Variants in RNF130 observed in about 807,000 individuals in gnomAD.
The protein encoded by RNF130 is ring finger protein 130.
RNF130 carries 21 observed loss-of-function variants against 44.6 expected under a neutral mutation model. That is an observed-to-expected ratio of 0.47 (90% CI 0.33 to 0.68). RNF130 has a LOEUF of 0.68. Among genes scored for constraint, RNF130 ranks in the 30% least tolerant of loss-of-function variants. The pLI is 0.02. For missense variants in RNF130, 479 were observed against 560.6 expected (o/e 0.85, Z 1.47); for synonymous variants, 214 against 210.4 (o/e 1.02, Z -0.15).
chr5:180,029,197 GAGAATGTC>G (rs1764066470), intron 2 of RNF130, among the ~76,000 whole-genome samples: 1 of 152,148 alleles, frequency 6.6e-6, no homozygotes, highest in African/African-American at 2.4e-5. Flanking sequence ...AAAAATGATT[GAGAATGTC>G]ATAAAAAATT....
intron 1 of RNF130, among the ~76,000 whole-genome samples, chr5:180,056,514 T>C (rs1379479241): frequency 6.6e-6 from 1 of 152,118 alleles, no homozygotes; most frequent in African/African-American, 2.4e-5. Context: ...GGGAAATGCC[T>C]CAGTTTCTGG....
At chr5:180,038,251 C>G (rs956346986) in intron 2 of RNF130, among the ~76,000 whole-genome samples, 2 of 151,728 alleles carry the variant, frequency 1.3e-5, no homozygotes, top group African/African-American at 4.8e-5. Flanking sequence ...GATGGGGTCT[C>G]CCTATGTTGC....
chr5:180,009,696 T>G (rs6873994), intron 3 of RNF130, among the ~76,000 whole-genome samples: 132,951 of 152,250 alleles, frequency 0.87, 58,223 homozygotes, highest in African/African-American at 0.94. Context: ...TGCACTTATC[T>G]TAACAGCCCA....
At chr5:180,033,582 CG>C (rs1036694894) in intron 2 of RNF130, among the ~76,000 whole-genome samples, 2 of 151,876 alleles carry the variant, frequency 1.3e-5, no homozygotes, top group Non-Finnish European at 2.9e-5. Context: ...CCCAGCTGCT[CG>C]GGAGTCTGAG....
intron 2 of RNF130, among the ~76,000 whole-genome samples, chr5:180,022,210 T>C (rs1212341543): frequency 1.3e-5 from 2 of 152,240 alleles, no homozygotes; most frequent in East Asian, 3.8e-4. Context: ...CACTGTGAAG[T>C]TCCTCTTTTC....
At chr5:179,959,949 A>C (rs1188279413) in intron 8 of RNF130, among the ~76,000 whole-genome samples, 1 of 152,220 alleles carries the variant, frequency 6.6e-6, no homozygotes, top group Non-Finnish European at 1.5e-5. Flanking sequence ...GATTTCTATG[A>C]ATCAGAATCC....
At chr5:179,928,757 T>G (rs1337156597) in intron 7 of RNF130, among the ~76,000 whole-genome samples, 1 of 151,516 alleles carries the variant, frequency 6.6e-6, no homozygotes, top group African/African-American at 2.4e-5. Flanking sequence ...GCCTCCCGAG[T>G]AGCTGGGACT....
intron 6 of RNF130, among the ~76,000 whole-genome samples, chr5:179,968,470 A>G (rs1762502462): frequency 6.6e-6 from 1 of 151,928 alleles, no homozygotes; most frequent in African/African-American, 2.4e-5. Flanking sequence ...GTTTGAGACC[A>G]GCCTGGCCAA....
At chr5:180,036,307 C>CTTT (rs1170676316) in intron 2 of RNF130, among the ~76,000 whole-genome samples, 1 of 152,134 alleles carries the variant, frequency 6.6e-6, no homozygotes, top group African/African-American at 2.4e-5. Flanking sequence ...TTTCCTCCTT[C>CTTT]TTTTTAATAA....
chr5:179,989,012 C>G (rs1259396165), intron 3 of RNF130, among the ~76,000 whole-genome samples: 3 of 152,116 alleles, frequency 2.0e-5, no homozygotes, highest in Non-Finnish European at 4.4e-5. Flanking sequence ...AGGAAATACC[C>G]CAGACTGGGT....
At chr5:179,930,758 G>C (rs376767367) in intron 7 of RNF130, among the ~76,000 whole-genome samples, 47 of 152,264 alleles carry the variant, frequency 3.1e-4, no homozygotes, top group African/African-American at 1.1e-3. Flanking sequence ...AAGAATGGAG[G>C]CTGGGCGTGG....
At chr5:179,914,169 C>T (rs1045612045) in exon 8 of RNF130, 1 of 152,210 alleles carries the variant, frequency 6.6e-6, no homozygotes, top group Non-Finnish European at 1.5e-5. Flanking sequence ...GGCCAAAATA[C>T]AAGACAAAAC....
At chr5:179,990,252 T>C (rs1338464617) in intron 3 of RNF130, among the ~76,000 whole-genome samples, 1 of 152,202 alleles carries the variant, frequency 6.6e-6, no homozygotes, top group African/African-American at 2.4e-5. Flanking sequence ...CAGTGACTGA[T>C]AAGGTCACGT....
chr5:179,993,301 T>C (rs1475652054), intron 3 of RNF130, among the ~76,000 whole-genome samples: 2 of 152,242 alleles, frequency 1.3e-5, no homozygotes, highest in Non-Finnish European at 2.9e-5. Flanking sequence ...ATCACCACAC[T>C]GTCTTCCACA....
chr5:179,930,876 T>C (rs1419678845), intron 7 of RNF130, among the ~76,000 whole-genome samples: 1 of 151,746 alleles, frequency 6.6e-6, no homozygotes, highest in Non-Finnish European at 1.5e-5. Context: ...CGGTCTCTAC[T>C]AAAATTACAA....
rs903719624 is a variant in RNF130 at position 180,071,429 on chromosome 5, G to A, written c.247+27C>T. On this transcript the variant is annotated intron_variant, in intron 1 of 8. Transcript: ENST00000521389. ...GCCTACGCGGGATGCAGCGACCACCGCCCGCCGCCCCCGGGCCGGCACTCA... is the reference window on the plus strand; with the variant it reads ...GCCTACGCGGGATGCAGCGACCACCACCCGCCGCCCCCGGGCCGGCACTCA... 1.5e-5 allele frequency: 18 copies of A among 1,232,466 alleles called. No individual in the cohort carries two copies. The African/African-American group carries it at 2.7e-4, about 18-fold the overall frequency. The allele number at this position is 1,232,466 out of a possible 1,614,324, so 76.3% of individuals were successfully genotyped here.
At chr5:180,039,403 A>AT (rs1426131785) in intron 2 of RNF130, among the ~76,000 whole-genome samples, 1 of 151,932 alleles carries the variant, frequency 6.6e-6, no homozygotes, top group East Asian at 1.9e-4. Flanking sequence ...TGCCCAGCTA[A>AT]TTTTTTTATT....
At chr5:179,972,216 CA>C (rs1304296673) in intron 5 of RNF130, among the ~76,000 whole-genome samples, 1 of 152,152 alleles carries the variant, frequency 6.6e-6, no homozygotes, top group Non-Finnish European at 1.5e-5. Flanking sequence ...GGCTACTGAC[CA>C]ACAAAGACCA....
chr5:180,063,558 C>A (rs867178148), intron 1 of RNF130, among the ~76,000 whole-genome samples: 1 of 152,250 alleles, frequency 6.6e-6, no homozygotes, highest in Admixed American at 6.5e-5. Context: ...GGAAGCCAAG[C>A]GCATGAACCT....
Sources: allele counts gnomAD v4.1 joint callset (sites outside exome capture counted in the v4.1 genomes callset), GRCh38; gene constraint gnomAD v4.1.1; transcripts MANE v1.5; gene names NCBI Gene and HGNC (gene_info 2026-07-23, HGNC 2026-07-21).